SYN3: variants seen among roughly 807,000 people sequenced by gnomAD.
The protein encoded by SYN3 is synapsin-3.
SYN3 carries 35 observed loss-of-function variants against 65.8 expected under a neutral mutation model. The ratio of observed to expected loss-of-function variants is 0.53; its 90% CI spans 0.41 to 0.70. SYN3 has a LOEUF of 0.70. Among genes scored for constraint, SYN3 ranks in the 30% least tolerant of loss-of-function variants. SYN3 has a pLI of 0.00. For missense variants in SYN3, 680 were observed against 749.0 expected (o/e 0.91, Z 1.08); for synonymous variants, 270 against 292.9 (o/e 0.92, Z 0.80).
intron 3 of SYN3, among the ~76,000 whole-genome samples, chr22:32,965,441 T>C (rs1307861290): frequency 1.3e-5 from 2 of 152,052 alleles, no homozygotes; most frequent in African/African-American, 4.8e-5. Flanking sequence ...GAGCACCTAT[T>C]ATGTACCGAA....
At chr22:32,822,155 CAAA>C (rs35312009) in intron 6 of SYN3, among the ~76,000 whole-genome samples, 3 of 108,272 alleles carry the variant, frequency 2.8e-5, no homozygotes, top group Non-Finnish European at 3.6e-5. Context: ...AACTCCATCT[CAAA>C]AAAAAAAAAA....
intron 6 of SYN3, among the ~76,000 whole-genome samples, chr22:32,606,271 T>G (rs1462114502): frequency 6.6e-6 from 1 of 152,124 alleles, no homozygotes; most frequent in African/African-American, 2.4e-5. Flanking sequence ...TACGAAGCCT[T>G]TGACAGAAAT....
rs77067800 is a variant in SYN3, at chr22:32,911,705, T to G, written c.461+19685A>C. On this transcript the variant is annotated intron_variant, in intron 4 of 13. Transcript: ENST00000358763. The stretch of plus-strand genomic sequence containing the variant: ...AAACTGAACGGGAGCCAAACCATCA[T>G]GTGGTGAACAAATGCTGTGATCGCT... Among the ~76,000 whole-genome samples the G allele has an allele frequency of 7.1e-3, 1,077 of 152,092 alleles. 6 individuals are homozygous for G. The highest frequency in any genetic ancestry group is 0.025 in the East Asian group (130 of 5,166).
At chr22:32,584,914 T>A (rs76227818) in intron 7 of SYN3, among the ~76,000 whole-genome samples, 7,347 of 152,248 alleles carry the variant, frequency 0.048, 244 homozygotes, top group Middle Eastern at 0.078. Flanking sequence ...TGTGAAATTC[T>A]TTATAAATAA....
chr22:32,880,688 C>T (rs2049107006), intron 4 of SYN3, among the ~76,000 whole-genome samples: 1 of 152,154 alleles, frequency 6.6e-6, no homozygotes, highest in Non-Finnish European at 1.5e-5. Context: ...AGAGAACTGA[C>T]CAGCATTTAC....
chr22:32,989,257 A>T (rs754891838), intron 2 of SYN3, among the ~76,000 whole-genome samples: 1 of 152,126 alleles, frequency 6.6e-6, no homozygotes, highest in African/African-American at 2.4e-5. Context: ...ACATTACTAT[A>T]TCTGCTGTAA....
At chr22:32,515,232 G>T (rs531521900) in intron 13 of SYN3, among the ~76,000 whole-genome samples, 7 of 152,192 alleles carry the variant, frequency 4.6e-5, no homozygotes, top group Non-Finnish European at 1.0e-4. Context: ...ACCAAACCTG[G>T]TTTAAGGCCC....
Position 32,517,198 on chromosome 22 carries a change from T to A in SYN3, c.1610+845A>T, listed in dbSNP as rs186488693. On this transcript the variant is annotated intron_variant, in intron 13 of 13. Coordinates refer to ENST00000358763, the MANE Select transcript of SYN3 (RefSeq NM_003490.4). Reference sequence around the variant, plus strand: ...CCTCTTGAATGTGGGTTTGGCCCTGTGACTTGCTTTGACTAAAAGCGTGTG... The same window carrying A: ...CCTCTTGAATGTGGGTTTGGCCCTGAGACTTGCTTTGACTAAAAGCGTGTG... Among the ~76,000 whole-genome samples the A allele has an allele frequency of 5.6e-4, 86 of 152,380 alleles. 1 individual carries two copies. The highest frequency in any genetic ancestry group is 5.6e-3 in the Admixed American group (85 of 15,308).
At chr22:32,524,368 G>C (rs1040372879) in intron 12 of SYN3, among the ~76,000 whole-genome samples, 3 of 152,188 alleles carry the variant, frequency 2.0e-5, no homozygotes, top group African/African-American at 7.2e-5. Flanking sequence ...TGCAGCCGGT[G>C]ACTTAGAGTT....
intron 6 of SYN3, among the ~76,000 whole-genome samples, chr22:32,723,526 G>C (rs2061148423): frequency 6.6e-6 from 1 of 152,162 alleles, no homozygotes; most frequent in African/African-American, 2.4e-5. Context: ...TCTTAGACAA[G>C]TTGGGCCCAA....
chr22:32,707,802 G>T (rs1425948261), intron 6 of SYN3, among the ~76,000 whole-genome samples: 2 of 152,184 alleles, frequency 1.3e-5, no homozygotes, highest in African/African-American at 4.8e-5. Flanking sequence ...CATGGGGAAG[G>T]GGCTTGGAGG....
At chr22:32,877,332 T>A (rs1296391988) in intron 4 of SYN3, among the ~76,000 whole-genome samples, 5 of 152,260 alleles carry the variant, frequency 3.3e-5, no homozygotes, top group African/African-American at 1.2e-4. Flanking sequence ...AAACCTACCA[T>A]GAATCCGAGG....
rs563393354 is a variant in SYN3 at position 32,801,469 on chromosome 22, G to A, written c.711+63446C>T. On this transcript the variant is annotated intron_variant, in intron 6 of 13. Transcript: ENST00000358763. This position sits in a 1 kb window ranked among gnomAD's most constrained non-coding sequence, Gnocchi z 4.7. Reference sequence around the variant, plus strand: ...GACCCAGCGGCAAGCACCGGTCCCGGGCGCGCCCCAGCCCACCCACTCGCG... The same window carrying A: ...GACCCAGCGGCAAGCACCGGTCCCGAGCGCGCCCCAGCCCACCCACTCGCG... Among the ~76,000 whole-genome samples the A allele has an allele frequency of 1.2e-4, 19 of 152,322 alleles. No individual in the cohort carries two copies. In the South Asian group the frequency reaches 2.3e-3, roughly 18 times the overall value.
chr22:32,977,255 G>A (rs1389379920), intron 3 of SYN3, among the ~76,000 whole-genome samples: 1 of 152,172 alleles, frequency 6.6e-6, no homozygotes, highest in East Asian at 1.9e-4. Context: ...GCCCCTGGGT[G>A]AGTTATTCTT....
chr22:32,920,841 G>A (rs2050318367), intron 4 of SYN3, among the ~76,000 whole-genome samples: 1 of 152,118 alleles, frequency 6.6e-6, no homozygotes, highest in Non-Finnish European at 1.5e-5. Context: ...GAGACTGGAA[G>A]GCAGAGGGAG....
intron 6 of SYN3, among the ~76,000 whole-genome samples, chr22:32,775,899 C>T (rs1378671994): frequency 1.3e-5 from 2 of 152,122 alleles, no homozygotes; most frequent in South Asian, 2.1e-4. Flanking sequence ...CCTCCTGTGG[C>T]CAAGAAAAAG....
intron 6 of SYN3, among the ~76,000 whole-genome samples, chr22:32,608,151 T>G (rs567428850): frequency 6.6e-6 from 1 of 152,116 alleles, no homozygotes; most frequent in Non-Finnish European, 1.5e-5. Flanking sequence ...CACTGCAACC[T>G]CCGCCTCCTG....
At chr22:32,873,315 A>G (rs2048900014) in intron 4 of SYN3, among the ~76,000 whole-genome samples, 1 of 147,136 alleles carries the variant, frequency 6.8e-6, no homozygotes, top group African/African-American at 2.5e-5. Context: ...TAATTGAGGC[A>G]TGTACAAGGG....
intron 3 of SYN3, among the ~76,000 whole-genome samples, chr22:32,936,717 T>C (rs2050786636): frequency 6.6e-6 from 1 of 152,190 alleles, no homozygotes; most frequent in Non-Finnish European, 1.5e-5. Flanking sequence ...AATTTCATAG[T>C]GGGACTGAAT....
Sources: allele counts gnomAD v4.1 joint callset (sites outside exome capture counted in the v4.1 genomes callset), GRCh38; gene constraint gnomAD v4.1.1; non-coding constraint Gnocchi (gnomAD v3.1); transcripts MANE v1.5; gene names NCBI Gene and HGNC (gene_info 2026-07-23, HGNC 2026-07-21).